CPAMD8: variants seen among roughly 807,000 people sequenced by gnomAD.
CPAMD8 encodes C3 and PZP-like alpha-2-macroglobulin domain-containing protein 8.
In CPAMD8, 146 loss-of-function variants were observed where a neutral mutation model predicts 224.7. The observed-to-expected ratio is 0.65, with a 90% CI of 0.57 to 0.75. CPAMD8 has a LOEUF of 0.75. Ranked by LOEUF, CPAMD8 falls within the 30% of genes least tolerant of loss-of-function variation. The pLI is 0.00. For synonymous variants in CPAMD8, 966 were observed against 1,044.6 expected (o/e 0.92, Z 1.45); for missense variants, 2,301 against 2,537.5 (o/e 0.91, Z 2.00).
At chr19:16,913,368 C>A (rs1316520060) in intron 29 of CPAMD8, among the ~76,000 whole-genome samples, 1 of 151,932 alleles carries the variant, frequency 6.6e-6, no homozygotes, top group Non-Finnish European at 1.5e-5. Context: ...GAGGATGGGG[C>A]CTCCAAAATA....
intron 21 of CPAMD8, 122 bp from the exon 22 acceptor site, chr19:16,945,801 G>A (rs1219889043): frequency 2.3e-6 from 2 of 879,244 alleles, no homozygotes; most frequent in Non-Finnish European, 1.9e-6. Flanking sequence ...GCATGTGTGT[G>A]TGTATATGCA....
chr19:16,977,860 T>G (rs2055338876), intron 14 of CPAMD8, among the ~76,000 whole-genome samples: 1 of 152,116 alleles, frequency 6.6e-6, no homozygotes, highest in Non-Finnish European at 1.5e-5. Flanking sequence ...CAAAACCACC[T>G]TGGCTTGTCC....
intron 24 of CPAMD8, 36 bp from the exon 25 acceptor site, chr19:16,928,270 G>A: frequency 6.3e-7 from 1 of 1,576,868 alleles, no homozygotes; most frequent in South Asian, 1.1e-5. Context: ...GACGCTGGCA[G>A]GAAGCAGGCA....
At chr19:16,942,560 A>G (rs975159901) in intron 22 of CPAMD8, among the ~76,000 whole-genome samples, 4 of 152,228 alleles carry the variant, frequency 2.6e-5, no homozygotes, top group African/African-American at 7.2e-5. Context: ...ACAAGGATGC[A>G]CTGTGCCTCT....
At chr19:17,011,178 G>C (rs563146638) in intron 5 of CPAMD8, among the ~76,000 whole-genome samples, 1 of 152,026 alleles carries the variant, frequency 6.6e-6, no homozygotes, top group African/African-American at 2.4e-5. Context: ...ATTGGCAATA[G>C]AGCGAGAGAC....
In CPAMD8 at chr19:16,899,743, C is replaced by A. The variant is rs1018825222; in HGVS notation, c.4774-194G>T. Among the ~76,000 whole-genome samples the A allele has an allele frequency of 6.6e-6, 1 of 152,054 alleles. No individual in the cohort carries two copies. Among genetic ancestry groups the A allele is most frequent in the African/African-American group, 2.4e-5 (1 of 41,412 alleles). Reference sequence around the variant, plus strand: ...GGAGAGGACGCTCAAGGATGGCTATCCCCGCTGGGAGCACCTGCCTCGCCT... The same window carrying A: ...GGAGAGGACGCTCAAGGATGGCTATACCCGCTGGGAGCACCTGCCTCGCCT... On this transcript the variant is annotated intron_variant, in intron 36 of 41. Coordinates refer to ENST00000443236, the MANE Select transcript of CPAMD8 (RefSeq NM_015692.5). The surrounding 1 kb of genome is among the most constrained non-coding windows in gnomAD (Gnocchi z 5.4).
At chr19:16,927,594 C>G (rs749858449) in intron 25 of CPAMD8, among the ~76,000 whole-genome samples, 1 of 152,106 alleles carries the variant, frequency 6.6e-6, no homozygotes, top group African/African-American at 2.4e-5. Context: ...ATCACCAAGA[C>G]CCCCCAGGCC....
intron 27 of CPAMD8, among the ~76,000 whole-genome samples, chr19:16,921,093 C>T (rs1255723725): frequency 1.3e-5 from 2 of 152,058 alleles, no homozygotes; most frequent in Non-Finnish European, 2.9e-5. Flanking sequence ...GGATGAGCTC[C>T]TGGGGCTGGG....
At chr19:16,902,976 A>G (rs2144736796) in intron 34 of CPAMD8, 113 bp from the exon 35 acceptor site, 1 of 636,536 alleles carries the variant, frequency 1.6e-6, no homozygotes, top group South Asian at 2.2e-5. Flanking sequence ...TATGAGGACA[A>G]TGACATCCAT....
chr19:16,990,168 T>G (rs1450212327), intron 12 of CPAMD8, among the ~76,000 whole-genome samples: 1 of 151,754 alleles, frequency 6.6e-6, no homozygotes, highest in Admixed American at 6.6e-5. Flanking sequence ...GCACAAGAAT[T>G]GCTTGAACCC....
chr19:16,925,743 T>C (rs183191483), intron 25 of CPAMD8, among the ~76,000 whole-genome samples: 2 of 147,822 alleles, frequency 1.4e-5, no homozygotes, highest in Non-Finnish European at 3.0e-5. Context: ...CATTCTATTC[T>C]AGTCTTTCTA....
At chr19:16,975,536 G>GC (rs1468688883) in intron 16 of CPAMD8, among the ~76,000 whole-genome samples, 1 of 151,778 alleles carries the variant, frequency 6.6e-6, no homozygotes, top group Admixed American at 6.6e-5. Context: ...GCAAGACCCC[G>GC]CCCCTACAAA....
intron 20 of CPAMD8, 46 bp from the exon 21 acceptor site, chr19:16,947,273 C>A: frequency 6.3e-7 from 1 of 1,575,534 alleles, no homozygotes. Flanking sequence ...TCCAGACCCC[C>A]TCCCAGTGCC....
At chr19:16,968,080 C>T (rs2054922292) in intron 18 of CPAMD8, among the ~76,000 whole-genome samples, 1 of 152,002 alleles carries the variant, frequency 6.6e-6, no homozygotes, top group African/African-American at 2.4e-5. Context: ...AAAGCTGCTG[C>T]TTCTATACCA....
chr19:16,951,884 C>T (rs2054307347), intron 20 of CPAMD8, 85 bp downstream of exon 20: 1 of 860,680 alleles, frequency 1.2e-6, no homozygotes, highest in Admixed American at 2.6e-5. Flanking sequence ...CTGACACTGT[C>T]CCACCCCTGC....
At chr19:16,991,052 A>G (rs1322698897) in intron 12 of CPAMD8, among the ~76,000 whole-genome samples, 2 of 151,894 alleles carry the variant, frequency 1.3e-5, no homozygotes, top group Admixed American at 1.3e-4. Context: ...GGAGATTGAG[A>G]TTAGTCCCAT....
At position 16,987,193 on chromosome 19, in the gene CPAMD8, T is replaced by A. The variant is rs1484287804; in HGVS notation, c.1395+2450A>T. On this transcript the variant is annotated intron_variant, in intron 13 of 41. Transcript: ENST00000443236. The stretch of plus-strand genomic sequence containing the variant: ...AAAAAAAAAAAAATATATATATATA[T>A]ATATATATATATATATGTATATGTG... 2.8e-3 allele frequency among the ~76,000 whole-genome samples: 337 copies of A among 118,444 alleles called. 2 individuals are homozygous for A. The highest frequency in any genetic ancestry group is 0.01 in the African/African-American group (319 of 30,732). 77.7% of individuals were successfully genotyped at this position (118,444 alleles called of 152,430 possible). A position where few individuals can be genotyped will look rare whatever the true frequency, so the allele number is the denominator to read the frequency against.
At chr19:17,004,212 A>C in intron 8 of CPAMD8, 61 bp downstream of exon 8, 1 of 1,212,588 alleles carries the variant, frequency 8.2e-7, no homozygotes, top group Non-Finnish European at 1.2e-6. Context: ...GGCCTTCTTC[A>C]CCAGTTTCTA....
chr19:16,963,787 T>C (rs887987708), intron 18 of CPAMD8, among the ~76,000 whole-genome samples: 1 of 152,134 alleles, frequency 6.6e-6, no homozygotes, highest in African/African-American at 2.4e-5. Flanking sequence ...GACCACATAA[T>C]TGGAAGTAAA....
Sources: gnomAD v4.1 joint callset for allele counts (sites outside exome capture counted in the v4.1 genomes callset) on GRCh38, gnomAD v4.1.1 for gene constraint, Gnocchi (gnomAD v3.1) non-coding constraint, MANE v1.5 for transcripts, NCBI Gene and HGNC (gene_info 2026-07-23, HGNC 2026-07-21) for gene names.